Variants in FHIT observed in about 807,000 individuals in gnomAD.
The protein encoded by FHIT is fragile histidine triad diadenosine triphosphatase.
FHIT carries 19 observed loss-of-function variants against 17.9 expected under a neutral mutation model. That is an observed-to-expected ratio of 1.06 (90% CI 0.74 to 1.56). The LOEUF (loss-of-function observed/expected upper bound fraction) is 1.56. FHIT is among the 40% of genes most tolerant of loss of function. FHIT has a pLI of 0.00. For missense variants in FHIT, 248 were observed against 189.2 expected, an observed-to-expected ratio of 1.31 and a Z score of -1.82; for synonymous variants, 81 against 69.7, an observed-to-expected ratio of 1.16 and a Z score of -0.81.
intron 8 of FHIT, among the ~76,000 whole-genome samples, chr3:59,759,561 A>G (rs1273410192): frequency 6.6e-6 from 1 of 152,008 alleles, no homozygotes; most frequent in Non-Finnish European, 1.5e-5. Flanking sequence ...AACTAGTGTG[A>G]AAATCACTCA....
chr3:60,490,091 A>G (rs2034000374), intron 5 of FHIT, among the ~76,000 whole-genome samples: 1 of 152,202 alleles, frequency 6.6e-6, no homozygotes, highest in Non-Finnish European at 1.5e-5. Context: ...TAAACAAATC[A>G]ACACCAAGAA....
In FHIT at chr3:60,263,997, A is replaced by G. The variant is rs914876294; in HGVS notation, c.104-249845T>C. On this transcript the variant is annotated intron_variant, in intron 5 of 9. Transcript: ENST00000492590. ...TCTTAAATATTTTTCCTTTGAATCTATTTGATCTGTTCAAATTAAACTTGT... is the reference window on the plus strand; with the variant it reads ...TCTTAAATATTTTTCCTTTGAATCTGTTTGATCTGTTCAAATTAAACTTGT... 1.3e-5 allele frequency among the ~76,000 whole-genome samples: 2 copies of G among 151,834 alleles called. 1 individual carries two copies.
At chr3:60,709,774 T>C (rs1716726) in intron 4 of FHIT, among the ~76,000 whole-genome samples, 129,077 of 152,206 alleles carry the variant, frequency 0.85, 56,348 homozygotes, top group East Asian at 1. Context: ...TTCCCAAAAT[T>C]TGAATTTTTG....
chr3:60,782,605 G>A (rs1022038433), intron 4 of FHIT, among the ~76,000 whole-genome samples: 1 of 152,152 alleles, frequency 6.6e-6, no homozygotes, highest in East Asian at 1.9e-4. Flanking sequence ...AAACAGCAAG[G>A]AGATGAATAC....
At chr3:60,523,466 CAGA>C (rs1262507128) in intron 5 of FHIT, among the ~76,000 whole-genome samples, 4 of 151,898 alleles carry the variant, frequency 2.6e-5, no homozygotes, top group African/African-American at 9.7e-5. Flanking sequence ...AATAATAAAT[CAGA>C]AGAAGGTTTC....
intron 7 of FHIT, among the ~76,000 whole-genome samples, chr3:60,008,980 T>A (rs1700026536): frequency 6.6e-6 from 1 of 152,208 alleles, no homozygotes; most frequent in Non-Finnish European, 1.5e-5. Context: ...GTCACAGTAT[T>A]CTAAATAAGT....
chr3:60,484,860 T>G (rs1463211435), intron 5 of FHIT, among the ~76,000 whole-genome samples: 1 of 151,828 alleles, frequency 6.6e-6, no homozygotes, highest in African/African-American at 2.4e-5. Flanking sequence ...ATCATCAGAG[T>G]GAACAGGCAA....
intron 8 of FHIT, among the ~76,000 whole-genome samples, chr3:59,842,072 C>G (rs1701554685): frequency 6.6e-6 from 1 of 152,056 alleles, no homozygotes; most frequent in African/African-American, 2.4e-5. Flanking sequence ...CATTCTCCCT[C>G]CCCCCAGCTT....
intron 8 of FHIT, among the ~76,000 whole-genome samples, chr3:59,862,364 CACATGGGGATTATGGGAGCT>C (rs1702444989): frequency 6.6e-6 from 1 of 152,212 alleles, no homozygotes; most frequent in African/African-American, 2.4e-5. Context: ...CCTCCCACGA[CACATGGGGATTATGGGAGCT>C]ACAATTTGAG....
intron 2 of FHIT, among the ~76,000 whole-genome samples, chr3:61,075,906 A>G (rs988637836): frequency 3.3e-5 from 5 of 152,184 alleles, no homozygotes; most frequent in African/African-American, 9.7e-5. Context: ...AAATACAAAC[A>G]GCAATAATAC....
At chr3:60,167,571 AG>A (rs974034671) in intron 5 of FHIT, among the ~76,000 whole-genome samples, 6 of 152,208 alleles carry the variant, frequency 3.9e-5, no homozygotes, top group Non-Finnish European at 7.3e-5. Context: ...ATAATTGTGA[AG>A]GAAGATGCTT....
At chr3:60,117,801 A>AC (rs1156248669) in intron 5 of FHIT, among the ~76,000 whole-genome samples, 1 of 131,996 alleles carries the variant, frequency 7.6e-6, no homozygotes, top group Non-Finnish European at 1.7e-5. Context: ...ACCAGTGAAA[A>AC]GGAAAAAAAA....
chr3:59,813,488 T>C (rs1235634524), intron 8 of FHIT, among the ~76,000 whole-genome samples: 1 of 152,180 alleles, frequency 6.6e-6, no homozygotes, highest in Non-Finnish European at 1.5e-5. Context: ...GCTTACTTAA[T>C]AATAAATCTG....
chr3:60,350,243 T>G (rs180866297), intron 5 of FHIT, among the ~76,000 whole-genome samples: 7 of 152,198 alleles, frequency 4.6e-5, no homozygotes, highest in African/African-American at 1.7e-4. Flanking sequence ...GCAGGTATAG[T>G]AAGCAAGCAG....
At chr3:60,087,054 T>A (rs1354454402) in intron 5 of FHIT, among the ~76,000 whole-genome samples, 1 of 152,188 alleles carries the variant, frequency 6.6e-6, no homozygotes, top group African/African-American at 2.4e-5. Flanking sequence ...ACCCTTGCAT[T>A]CTGGGTGCCT....
At chr3:59,776,320 T>C (rs1027731478) in intron 8 of FHIT, among the ~76,000 whole-genome samples, 2 of 152,210 alleles carry the variant, frequency 1.3e-5, no homozygotes, top group African/African-American at 4.8e-5. Flanking sequence ...TGCTGTTCTC[T>C]TCAGTGGAGG....
intron 5 of FHIT, among the ~76,000 whole-genome samples, chr3:60,445,569 C>G (rs1024833580): frequency 6.6e-6 from 1 of 151,932 alleles, no homozygotes; most frequent in Non-Finnish European, 1.5e-5. Flanking sequence ...CATTCCTGAT[C>G]GTTTATCATT....
chr3:61,049,802 T>C (rs986054877), intron 2 of FHIT, among the ~76,000 whole-genome samples: 1 of 152,144 alleles, frequency 6.6e-6, no homozygotes, highest in African/African-American at 2.4e-5. Context: ...CGTTCTCTCC[T>C]GAAGCAGGTC....
chr3:60,511,599 G>T (rs1280927596), intron 5 of FHIT, among the ~76,000 whole-genome samples: 2 of 152,086 alleles, frequency 1.3e-5, no homozygotes, highest in South Asian at 2.1e-4. Flanking sequence ...TTTAATGGAG[G>T]TATCAGCATC....
Sources: allele counts gnomAD v4.1 joint callset (sites outside exome capture counted in the v4.1 genomes callset), GRCh38; gene constraint gnomAD v4.1.1; transcripts MANE v1.5; gene names NCBI Gene and HGNC (gene_info 2026-07-23, HGNC 2026-07-21).